The following AFF2 variants were observed in gnomAD, a reference collection of about 807,000 sequenced individuals.
AFF2 encodes AF4/FMR2 family member 2.
Under a neutral mutation model 76.9 loss-of-function variants are expected in AFF2, and 14 were observed. The ratio of observed to expected loss-of-function variants is 0.18; its 90% CI spans 0.12 to 0.28. The LOEUF (loss-of-function observed/expected upper bound fraction) is 0.28, where lower values mean the gene tolerates loss of function less well. AFF2 is among the 10% of genes least tolerant of loss of function. The probability of loss-of-function intolerance (pLI) is 1.00; values close to 1 mark genes in which losing one functional copy is unlikely to be tolerated. For missense variants in AFF2, 868 were observed against 1,001.1 expected (o/e 0.87, Z 1.79); for synonymous variants, 398 against 366.7 (o/e 1.09, Z -0.98).
At chrX:148,651,949 G>A in intron 1 of AFF2, 50 bp from the exon 2 acceptor site, 1 of 1,100,542 alleles carries the variant, frequency 9.1e-7, no homozygotes, top group Non-Finnish European at 1.2e-6. Flanking sequence ...TAAATGACTT[G>A]CATGATTAAT....
intron 3 of AFF2, among the ~76,000 whole-genome samples, chrX:148,672,816 T>TA (rs1417368630): frequency 8.9e-6 from 1 of 111,820 alleles, no homozygotes; most frequent in African/African-American, 3.3e-5. Context: ...TTTGTGTCTT[T>TA]AGTGGGATGA....
At chrX:148,605,985 A>G (rs1209735710) in intron 1 of AFF2, among the ~76,000 whole-genome samples, 1 of 112,258 alleles carries the variant, frequency 8.9e-6, no homozygotes. Flanking sequence ...TAGACCAGTT[A>G]AAAAGGGAAA....
chrX:148,631,186 A>G (rs1005869914), intron 1 of AFF2, among the ~76,000 whole-genome samples: 3 of 111,935 alleles, frequency 2.7e-5, no homozygotes, highest in African/African-American at 6.5e-5. Flanking sequence ...ATACTTGTCT[A>G]AAGACTCAAT....
At chrX:148,781,784 A>G (rs1182248369) in intron 3 of AFF2, among the ~76,000 whole-genome samples, 2 of 111,632 alleles carry the variant, frequency 1.8e-5, no homozygotes, top group East Asian at 5.7e-4. Context: ...GTGTCTGCCC[A>G]GATGGCCACC....
chrX:148,892,016 T>C (rs2071229542), intron 8 of AFF2, among the ~76,000 whole-genome samples: 1 of 111,990 alleles, frequency 8.9e-6, no homozygotes, highest in Non-Finnish European at 1.9e-5. Flanking sequence ...CTTGGAGTAG[T>C]ATGCTAGTGC....
intron 3 of AFF2, among the ~76,000 whole-genome samples, chrX:148,793,570 G>T (rs1199617655): frequency 2.7e-5 from 3 of 111,749 alleles, no homozygotes; most frequent in Non-Finnish European, 5.6e-5. Flanking sequence ...GAAGAAGCTC[G>T]ATTAGAGCTT....
At chrX:148,797,727 T>C (rs1393599612) in intron 3 of AFF2, among the ~76,000 whole-genome samples, 10 of 111,888 alleles carry the variant, frequency 8.9e-5, no homozygotes, top group African/African-American at 2.9e-4. Context: ...CCACATAAAC[T>C]GGATTTCCAG....
intron 7 of AFF2, among the ~76,000 whole-genome samples, chrX:148,847,949 T>C (rs1440122447): frequency 8.9e-6 from 1 of 111,856 alleles, no homozygotes; most frequent in Non-Finnish European, 1.9e-5. Flanking sequence ...AGACTGGCCA[T>C]GCCCACTTAT....
At chrX:148,779,753 G>A (rs1467226921) in intron 3 of AFF2, among the ~76,000 whole-genome samples, 2 of 111,982 alleles carry the variant, frequency 1.8e-5, no homozygotes, top group South Asian at 7.4e-4. Context: ...TACATTTAAG[G>A]TTAATATTGT....
At chrX:148,653,267 T>C (rs914203308) in intron 2 of AFF2, among the ~76,000 whole-genome samples, 6 of 112,228 alleles carry the variant, frequency 5.3e-5, no homozygotes, top group African/African-American at 1.9e-4. Flanking sequence ...ACAGGTTAAT[T>C]TGTATACTAC....
intron 1 of AFF2, among the ~76,000 whole-genome samples, chrX:148,555,665 G>A (rs1337011618): frequency 1.8e-5 from 2 of 111,955 alleles, no homozygotes; most frequent in Non-Finnish European, 3.8e-5. Context: ...AGAAAGAACT[G>A]AACAGCTAGA....
Position 148,822,607 on chromosome X carries a change from T to C in AFF2, c.1086+12687T>C, listed in dbSNP as rs1191667101. On this transcript the variant is annotated intron_variant, in intron 4 of 20. Coordinates refer to ENST00000370460, the MANE Select transcript of AFF2 (RefSeq NM_002025.4). ...GGGAGAGATTTTCAAATCTCTCAAA[T>C]AATGTTTTGGCACTATTCACTGTGC... 3.7e-4 allele frequency among the ~76,000 whole-genome samples: 41 copies of C among 110,814 alleles called. No individual in the cohort carries two copies. In the Admixed American group the frequency reaches 3.9e-3, roughly 11 times the overall value.
chrX:148,533,417 C>G (rs1004641296), intron 1 of AFF2, among the ~76,000 whole-genome samples: 2 of 109,814 alleles, frequency 1.8e-5, no homozygotes, highest in African/African-American at 6.6e-5. Flanking sequence ...CTCAGCCTCC[C>G]GAGTAGCTGG....
chrX:148,633,683 A>G (rs782214439), intron 1 of AFF2, among the ~76,000 whole-genome samples: 2 of 112,209 alleles, frequency 1.8e-5, no homozygotes, highest in East Asian at 5.6e-4. Flanking sequence ...CTTCCAAGTT[A>G]CCTTTTTCCT....
At chrX:148,674,877 G>A (rs1328974287) in intron 3 of AFF2, among the ~76,000 whole-genome samples, 1 of 112,586 alleles carries the variant, frequency 8.9e-6, no homozygotes, top group Non-Finnish European at 1.9e-5. Flanking sequence ...CTTGGGTGTG[G>A]GGAGGTAGAG....
At chrX:148,733,676 C>T (rs1353304419) in intron 3 of AFF2, among the ~76,000 whole-genome samples, 3 of 112,148 alleles carry the variant, frequency 2.7e-5, no homozygotes, top group Non-Finnish European at 3.8e-5. Flanking sequence ...GTACGTTTTA[C>T]TTTTTTTCCT....
rs2072539621 is a variant in AFF2, at chrX:148,992,079, T to C, written c.*747T>C. The C allele has an allele frequency of 8.9e-6, 1 of 112,028 alleles. No individual in the cohort carries two copies. The highest frequency in any genetic ancestry group is 1.9e-5 in the Non-Finnish European group (1 of 53,222). The allele number at this position is 112,028 out of a possible 1,213,427, so 9.2% of individuals were successfully genotyped here. On this transcript the variant is annotated 3_prime_UTR_variant, in exon 21 of 21. Transcript: ENST00000370460. ...CATCAGTGTTTTTCAACTCCATTAT[T>C]TGAAGTGTAAATCCTCACCTGGGGT...
At chrX:148,640,406 C>A (rs781866130) in intron 1 of AFF2, among the ~76,000 whole-genome samples, 1 of 108,629 alleles carries the variant, frequency 9.2e-6, no homozygotes, top group African/African-American at 3.3e-5. Flanking sequence ...CTCCCTCTGG[C>A]TTCTGTGTGA....
At chrX:148,950,956 TA>T (rs1298243740) in intron 9 of AFF2, among the ~76,000 whole-genome samples, 1 of 111,919 alleles carries the variant, frequency 8.9e-6, no homozygotes, top group East Asian at 2.8e-4. Flanking sequence ...GATATTTATT[TA>T]AAACATTTAT....
Sources: gnomAD v4.1 joint callset for allele counts (sites outside exome capture counted in the v4.1 genomes callset) on GRCh38, gnomAD v4.1.1 for gene constraint, MANE v1.5 for transcripts, NCBI Gene and HGNC (gene_info 2026-07-23, HGNC 2026-07-21) for gene names.